The following ADGRD2 variants were observed in gnomAD, a reference collection of about 807,000 sequenced individuals.
The protein encoded by ADGRD2 is G protein-coupled receptor PGR24.
Under a neutral mutation model 44.4 loss-of-function variants are expected in ADGRD2, and 71 were observed. That is an observed-to-expected ratio of 1.60 (90% CI 1.32 to 1.95). The LOEUF (loss-of-function observed/expected upper bound fraction) is 1.95. ADGRD2 is among the 30% of genes most tolerant of loss of function. ADGRD2 has a pLI of 0.00. For missense variants in ADGRD2, 1,039 were observed against 512.4 expected (o/e 2.03, Z -9.92); for synonymous variants, 481 against 224.8 (o/e 2.14, Z -10.19).
chr9:124,476,033 C>T (rs1832044235), intron 19 of ADGRD2, among the ~76,000 whole-genome samples: 1 of 152,200 alleles, frequency 6.6e-6, no homozygotes, highest in Non-Finnish European at 1.5e-5. Context: ...GGGGCTTCTC[C>T]AGGGTGACCT....
rs1270125456 is a variant in ADGRD2, at chr9:124,454,096, A to G, written c.1023A>G (p.Thr341=). Residue 341 remains threonine, a splice_region_variant and synonymous_variant, in exon 4 of 22, where the codon ACA becomes ACG. Coordinates refer to ENST00000334810, the Ensembl canonical transcript of ADGRD2. The surrounding 1 kb of genome is among the most constrained non-coding windows in gnomAD (Gnocchi z 4.5). ...AGCCCTTCCTCTGCTGCTACCGGAC[A>G]GGTGCGCCCTGGCTGTACCCCTGGG... 1 of 699,802 alleles carries G rather than the reference A, an allele frequency of 1.4e-6. No homozygotes were observed. The allele number at this position is 699,802 out of a possible 1,614,324, so 43.3% of individuals were successfully genotyped here.
exon 19 of ADGRD2, chr9:124,475,594 G>A: frequency 1.4e-6 from 1 of 706,520 alleles, no homozygotes. Context: ...TGCAGAGGAT[G>A]GCTGAGAAGA....
In ADGRD2 at chr9:124,467,631, T is replaced by TG. The variant is rs537519886; in HGVS notation, c.2027-84dup. ...CTGCACTGTGGAGGCGAATGCGGCG[T>TG]GGGGGGCCTTAGAGTCACCAGGTGG... is the stretch of plus-strand genomic sequence containing the variant. On this transcript the variant is annotated intron_variant, in intron 11 of 21. Coordinates refer to ENST00000334810, the Ensembl canonical transcript of ADGRD2. 1.4e-4 allele frequency: 94 copies of TG among 686,172 alleles called. No homozygotes were observed. In the Admixed American group the frequency reaches 1.9e-3, roughly 14 times the overall value. The allele number at this position is 686,172 out of a possible 1,614,324, so 42.5% of individuals were successfully genotyped here.
intron 11 of ADGRD2, chr9:124,467,340 C>CAAAA (rs59651695): frequency 7.0e-4 from 73 of 104,726 alleles, no homozygotes; most frequent in East Asian, 2.0e-3. Flanking sequence ...CTTGAAGCAA[C>CAAAA]AAAAAAAAAA....
rs550834548 is a variant in ADGRD2 at position 124,456,598 on chromosome 9, A to G, written c.1394-24A>G. 3.1e-4 allele frequency: 220 copies of G among 717,890 alleles called. 3 individuals carry two copies. The highest frequency in any genetic ancestry group is 2.7e-3 in the South Asian group (181 of 67,584). The allele number at this position is 717,890 out of a possible 1,614,324, so 44.5% of individuals were successfully genotyped here. ...CAGTGGGGTGCAGAGTGTGACAGAG[A>G]GCTGAGATGCAGCGTCCTCCCAGGT... is the stretch of plus-strand genomic sequence containing the variant. On this transcript the variant is annotated intron_variant, in intron 6 of 21. Transcript: ENST00000334810.
intron 21 of ADGRD2, chr9:124,476,997 AG>A: frequency 1.5e-6 from 1 of 661,650 alleles, no homozygotes; most frequent in Non-Finnish European, 2.9e-6. Context: ...CTCTCTGCCC[AG>A]GGGGGCGCTG....
At chr9:124,452,308 G>C (rs1312000453) in intron 1 of ADGRD2, 154 bp downstream of exon 4, 2 of 636,612 alleles carry the variant, frequency 3.1e-6, no homozygotes, top group East Asian at 5.5e-5. Context: ...ACGCTTCACT[G>C]GTTTCCGTCT....
At chr9:124,477,965 C>T (rs1038310728) in intron 21 of ADGRD2, among the ~76,000 whole-genome samples, 1 of 152,112 alleles carries the variant, frequency 6.6e-6, no homozygotes, top group Non-Finnish European at 1.5e-5. Flanking sequence ...CCCTCCGGAC[C>T]CCCCACCCGG....
chr9:124,460,520 GTGTC>G (rs1206533485), intron 10 of ADGRD2, among the ~76,000 whole-genome samples: 3 of 150,576 alleles, frequency 2.0e-5, no homozygotes, highest in African/African-American at 7.4e-5. Context: ...ACCTGGCCCT[GTGTC>G]TGTCTTTTCT....
At chr9:124,474,877 C>T (rs1369500894) in intron 17 of ADGRD2, among the ~76,000 whole-genome samples, 1 of 152,166 alleles carries the variant, frequency 6.6e-6, no homozygotes, top group East Asian at 1.9e-4. Context: ...CTTGGTCCCA[C>T]GGTGTGGGGA....
chr9:124,469,462 A>G (rs1588607784), exon 16 of ADGRD2: 1 of 718,118 alleles, frequency 1.4e-6, no homozygotes, highest in East Asian at 2.7e-5. Context: ...CCGTGTGGTA[A>G]TGATCACCGT....
intron 17 of ADGRD2, among the ~76,000 whole-genome samples, chr9:124,472,463 GTTTGT>G (rs1334587592): frequency 0.024 from 3,049 of 128,078 alleles, 85 homozygotes; most frequent in African/African-American, 0.096. Context: ...TTTGTTTTTT[GTTTGT>G]TTTTTGTTTT....
At chr9:124,456,136 T>G (rs964499380) in intron 6 of ADGRD2, among the ~76,000 whole-genome samples, 3 of 152,188 alleles carry the variant, frequency 2.0e-5, no homozygotes, top group African/African-American at 7.2e-5. Context: ...CCCTGGGGAA[T>G]AGGGATGATC....
intron 10 of ADGRD2, among the ~76,000 whole-genome samples, chr9:124,459,189 AC>A (rs1252746632): frequency 3.3e-5 from 5 of 152,178 alleles, no homozygotes; most frequent in Non-Finnish European, 7.4e-5. Context: ...TCAGTAGGGG[AC>A]TACTTTAAAT....
chr9:124,451,309 C>T (rs1297824346), upstream of ADGRD2: 2 of 448,538 alleles, frequency 4.5e-6, no homozygotes, highest in African/African-American at 4.0e-5. Context: ...CTGCAGGGAC[C>T]CTGAGCTCTG....
chr9:124,459,468 T>G (rs897867346), intron 10 of ADGRD2, among the ~76,000 whole-genome samples: 1 of 151,484 alleles, frequency 6.6e-6, no homozygotes, highest in Admixed American at 6.6e-5. Flanking sequence ...CCCTCCAGCC[T>G]GGGTGACAGA....
exon 6 of ADGRD2, chr9:124,455,004 C>T (rs760264161): frequency 5.6e-6 from 4 of 718,226 alleles, no homozygotes; most frequent in East Asian, 2.7e-5. Context: ...TGGTGGCCCT[C>T]GGGGCTGGGG....
chr9:124,476,736 C>A, intron 21 of ADGRD2, 27 bp downstream of exon 24: 1 of 695,808 alleles, frequency 1.4e-6, no homozygotes, highest in Non-Finnish European at 2.6e-6. Context: ...ACGGGGTCCC[C>A]TCTTTTCTTT....
chr9:124,451,984 G>C (rs1190520543), upstream of ADGRD2: 1 of 610,594 alleles, frequency 1.6e-6, no homozygotes, highest in Admixed American at 2.2e-5. Context: ...AGAGTCTGCA[G>C]CTTCCACTGA....
Sources: gnomAD v4.1 joint callset for allele counts (sites outside exome capture counted in the v4.1 genomes callset) on GRCh38, gnomAD v4.1.1 for gene constraint, Gnocchi (gnomAD v3.1) non-coding constraint, MANE v1.5 for transcripts, NCBI Gene and HGNC (gene_info 2026-07-23, HGNC 2026-07-21) for gene names.